KCNN2: variants seen among roughly 807,000 people sequenced by gnomAD.
KCNN2 encodes the protein small conductance calcium-activated potassium channel protein 2.
A neutral mutation model predicts 55.5 loss-of-function variants in KCNN2; 24 were observed. The observed-to-expected ratio is 0.43, with a 90% CI of 0.31 to 0.61. KCNN2 has a LOEUF of 0.61. Among genes scored for constraint, KCNN2 ranks in the 20% least tolerant of loss-of-function variants. The pLI is 0.08. For missense variants in KCNN2, 754 were observed against 853.6 expected, an observed-to-expected ratio of 0.88 and a Z score of 1.45; for synonymous variants, 431 against 336.1, an observed-to-expected ratio of 1.28 and a Z score of -3.09.
At chr5:114,486,346 G>C (rs1026342905) in intron 5 of KCNN2, among the ~76,000 whole-genome samples, 12 of 152,158 alleles carry the variant, frequency 7.9e-5, no homozygotes, top group African/African-American at 2.9e-4. Flanking sequence ...ATTTGTTGAA[G>C]ACTTTCATCA....
At chr5:114,159,333 T>G (rs978264732) in intron 1 of KCNN2, among the ~76,000 whole-genome samples, 2 of 152,222 alleles carry the variant, frequency 1.3e-5, no homozygotes, top group East Asian at 3.8e-4. Context: ...TGAACCAGCC[T>G]TGCATCCCAG....
At chr5:114,241,416 A>C (rs1754616929) in intron 2 of KCNN2, among the ~76,000 whole-genome samples, 1 of 151,854 alleles carries the variant, frequency 6.6e-6, no homozygotes, top group South Asian at 2.1e-4. Context: ...AAGTTGCTAT[A>C]ATCAAAACAT....
chr5:114,281,655 G>T (rs1448418428), intron 2 of KCNN2, among the ~76,000 whole-genome samples: 1 of 151,904 alleles, frequency 6.6e-6, no homozygotes, highest in Non-Finnish European at 1.5e-5. Flanking sequence ...GTGTTTATGT[G>T]TGCATTTGTG....
At chr5:114,382,729 C>G (rs1214274750) in intron 2 of KCNN2, among the ~76,000 whole-genome samples, 1 of 152,154 alleles carries the variant, frequency 6.6e-6, no homozygotes. Context: ...ACAAAATAAA[C>G]TTTCTACCAA....
chr5:114,396,571 T>G (rs1758626342), intron 2 of KCNN2, among the ~76,000 whole-genome samples: 1 of 149,844 alleles, frequency 6.7e-6, no homozygotes, highest in Admixed American at 6.7e-5. Flanking sequence ...TTTTTTGAGA[T>G]GGAGTCTTGC....
chr5:114,294,995 C>T (rs1299654867), intron 2 of KCNN2, among the ~76,000 whole-genome samples: 1 of 152,114 alleles, frequency 6.6e-6, no homozygotes, highest in Non-Finnish European at 1.5e-5. Context: ...AGGATTGCAA[C>T]CCCTGCCTTT....
At chr5:114,449,538 C>G (rs1378248001) in intron 3 of KCNN2, among the ~76,000 whole-genome samples, 3 of 152,160 alleles carry the variant, frequency 2.0e-5, no homozygotes, top group Admixed American at 6.5e-5. Context: ...GGTAGACAGT[C>G]TGTTCTCTTA....
intron 2 of KCNN2, among the ~76,000 whole-genome samples, chr5:114,270,729 A>G (rs1175441548): frequency 6.6e-6 from 1 of 152,168 alleles, no homozygotes; most frequent in Non-Finnish European, 1.5e-5. Context: ...CAGTATTACT[A>G]TGTCCGGAAT....
intron 2 of KCNN2, among the ~76,000 whole-genome samples, chr5:114,251,084 C>T (rs555369040): frequency 1.4e-4 from 21 of 152,280 alleles, no homozygotes; most frequent in African/African-American, 3.1e-4. Flanking sequence ...CCTGGTAATG[C>T]GGTACATTGC....
At chr5:114,331,963 T>C (rs2150033405) in intron 2 of KCNN2, among the ~76,000 whole-genome samples, 1 of 152,302 alleles carries the variant, frequency 6.6e-6, no homozygotes, top group East Asian at 1.9e-4. Flanking sequence ...GTGGAGAGTT[T>C]AGTTGGAAAT....
chr5:114,246,904 A>C (rs185779706), intron 2 of KCNN2, among the ~76,000 whole-genome samples: 1 of 152,048 alleles, frequency 6.6e-6, no homozygotes, highest in African/African-American at 2.4e-5. Context: ...AATGTTTTTA[A>C]TTGAGAAGGT....
chr5:114,216,290 C>G (rs961707938), intron 1 of KCNN2, among the ~76,000 whole-genome samples: 4 of 152,050 alleles, frequency 2.6e-5, no homozygotes, highest in African/African-American at 9.7e-5. Flanking sequence ...ATTGGACTAA[C>G]GTAGAAGATA....
chr5:114,406,389 A>C (rs1426840323), intron 3 of KCNN2, among the ~76,000 whole-genome samples: 2 of 151,512 alleles, frequency 1.3e-5, no homozygotes, highest in African/African-American at 4.8e-5. Flanking sequence ...ACTCCTCCCC[A>C]AAAAAGTGAT....
chr5:114,168,458 A>C (rs2112540236), intron 1 of KCNN2, among the ~76,000 whole-genome samples: 1 of 152,292 alleles, frequency 6.6e-6, no homozygotes, highest in Non-Finnish European at 1.5e-5. Context: ...GTCCTTGACA[A>C]ATCATAAGCC....
chr5:114,450,173 A>G (rs1760611098), intron 3 of KCNN2, among the ~76,000 whole-genome samples: 2 of 152,228 alleles, frequency 1.3e-5, no homozygotes, highest in South Asian at 4.1e-4. Context: ...GGGGGCTTCT[A>G]AAAATAGAGT....
At chr5:114,284,346 T>C (rs1755688853) in intron 2 of KCNN2, among the ~76,000 whole-genome samples, 1 of 152,172 alleles carries the variant, frequency 6.6e-6, no homozygotes, top group South Asian at 2.1e-4. Context: ...GTGTGAATAA[T>C]AATTGGATTT....
At chr5:114,183,560 G>T (rs999176097) in intron 1 of KCNN2, among the ~76,000 whole-genome samples, 6 of 151,950 alleles carry the variant, frequency 3.9e-5, no homozygotes, top group African/African-American at 1.4e-4. Flanking sequence ...TTCATCTTTT[G>T]TCACTGTTAG....
At position 114,362,503 on chromosome 5, in the gene KCNN2, G is replaced by A. The variant is rs1359628087; in HGVS notation, c.364G>A (p.Gly122Ser). The change falls in exon 1 of 8, where the codon GGC becomes AGC. Residue 122 changes from glycine (G) to serine (S), a missense_variant. Around this residue, in one of 4 missense-constraint regions of KCNN2, gnomAD observed 381 missense variants for 259.1 expected, o/e 1.47. Transcript: ENST00000673685. ...CTGCTGCTGCTGCTCGTCGCGCCGG[G>A]GCAGCCAGCTCAATGTGAGCGAGCT... ...CCCCCCSSRR[G>S]SQLNVSELTP... is the part of the protein sequence containing the mutation. 4.2e-6 allele frequency: 2 copies of A among 475,702 alleles called. No individual in the cohort carries two copies. The highest frequency in any genetic ancestry group is 2.1e-5 in the African/African-American group (1 of 48,544). The allele number at this position is 475,702 out of a possible 1,614,324, so 29.5% of individuals were successfully genotyped here. A position where few individuals can be genotyped will look rare whatever the true frequency, so the allele number is the denominator to read the frequency against.
intron 1 of KCNN2, among the ~76,000 whole-genome samples, chr5:114,159,237 C>T (rs866602258): frequency 9.2e-5 from 14 of 152,162 alleles, no homozygotes; most frequent in South Asian, 4.2e-4. Context: ...TGTCAAAGGC[C>T]TTTTCTGCAT....
Sources: gnomAD v4.1 joint callset for allele counts (sites outside exome capture counted in the v4.1 genomes callset) on GRCh38, gnomAD v4.1.1 for gene constraint, gnomAD v4.1.1 regional missense constraint, MANE v1.5 for transcripts, NCBI Gene and HGNC (gene_info 2026-07-23, HGNC 2026-07-21) for gene names.